CRY2: variants seen among roughly 807,000 people sequenced by gnomAD.
The protein encoded by CRY2 is cryptochrome-2.
CRY2 carries 31 observed loss-of-function variants against 69.5 expected under a neutral mutation model. The observed-to-expected ratio is 0.45, with a 90% CI of 0.34 to 0.60. The LOEUF (loss-of-function observed/expected upper bound fraction) is 0.60, where lower values mean the gene tolerates loss of function less well. Among genes scored for constraint, CRY2 ranks in the 20% least tolerant of loss-of-function variants. The pLI is 0.02. For synonymous variants in CRY2, 303 were observed against 312.2 expected, an observed-to-expected ratio of 0.97 and a Z score of 0.31; for missense variants, 606 against 797.8, an observed-to-expected ratio of 0.76 and a Z score of 2.90.
At chr11:45,879,765 G>A (rs117293689) in intron 11 of CRY2, among the ~76,000 whole-genome samples, 1 of 152,202 alleles carries the variant, frequency 6.6e-6, no homozygotes, top group Admixed American at 6.5e-5. Context: ...ACCACAGACT[G>A]GGTGGCTTAA....
intron 10 of CRY2, 23 bp downstream of exon 10, chr11:45,870,957 C>G: frequency 6.4e-7 from 1 of 1,568,720 alleles, no homozygotes; most frequent in South Asian, 1.1e-5. Context: ...AACCAACCTC[C>G]TGTGGCCTCC....
At chr11:45,849,622 ATTTTTT>A (rs71038866) in intron 1 of CRY2, among the ~76,000 whole-genome samples, 18 of 141,124 alleles carry the variant, frequency 1.3e-4, no homozygotes, top group Non-Finnish European at 4.6e-5. Flanking sequence ...CCCCAATTCT[ATTTTTT>A]TTTTTTTTTG....
rs2086281578 is a variant in CRY2, at chr11:45,860,815, T to G, written c.468-33T>G. On this transcript the variant is annotated intron_variant, in intron 3 of 11. Coordinates refer to ENST00000616080, the MANE Select transcript of CRY2 (RefSeq NM_021117.5). ...CAGGGACCCACATCACAGGGCCATG[T>G]GGGTAACACTAGCTATGCTTTGGGC... 1.9e-6 allele frequency: 3 copies of G among 1,605,334 alleles called. No individual in the cohort carries two copies. In the South Asian group the frequency reaches 3.3e-5, roughly 18 times the overall value.
In CRY2 at chr11:45,870,070, C is replaced by T. The variant is rs903372850; in HGVS notation, c.1212C>T (p.Leu404=). Residue 404 remains leucine, a synonymous_variant, in exon 8 of 12, where the codon CTC becomes CTT. Coordinates refer to ENST00000616080, the MANE Select transcript of CRY2 (RefSeq NM_021117.5). ...ESGVRVFDEL[L]LDADFSVNAG... ...CTATCTAGGTATTTGATGAGCTGCT[C>T]CTGGATGCAGATTTCAGCGTGAACG... The T allele has an allele frequency of 1.2e-6, 2 of 1,606,926 alleles. No individual in the cohort carries two copies. Among genetic ancestry groups the T allele is most frequent in the African/African-American group, 2.7e-5 (2 of 74,772 alleles).
At chr11:45,875,246 T>A (rs7933420) in intron 11 of CRY2, among the ~76,000 whole-genome samples, 58,867 of 152,160 alleles carry the variant, frequency 0.39, 13,790 homozygotes, top group Non-Finnish European at 0.5. Flanking sequence ...GAGTGCTTGG[T>A]AAGCAGTAGT....
chr11:45,856,154 G>C, intron 2 of CRY2, 64 bp downstream of exon 2: 1 of 1,279,400 alleles, frequency 7.8e-7, no homozygotes, highest in Non-Finnish European at 1.1e-6. Flanking sequence ...CCCACAGCCT[G>C]AGTGATATGA....
chr11:45,867,832 G>A (rs2086343734), intron 6 of CRY2, 80 bp downstream of exon 6: 11 of 1,587,562 alleles, frequency 6.9e-6, no homozygotes, highest in East Asian at 2.2e-5. Flanking sequence ...CCTAAAAAAG[G>A]CACTGGTGGG....
chr11:45,869,929 C>G, intron 7 of CRY2, 112 bp downstream of exon 7: 1 of 1,511,668 alleles, frequency 6.6e-7, no homozygotes, highest in East Asian at 2.3e-5. Context: ...CAGGAGATCC[C>G]CTCCAGATCC....
At chr11:45,872,916 G>C (rs1195936003) in intron 11 of CRY2, among the ~76,000 whole-genome samples, 1 of 152,206 alleles carries the variant, frequency 6.6e-6, no homozygotes, top group African/African-American at 2.4e-5. Flanking sequence ...CACTGACCTT[G>C]AGAAGCCTGG....
At chr11:45,854,716 G>A (rs572114616) in intron 1 of CRY2, among the ~76,000 whole-genome samples, 1 of 152,058 alleles carries the variant, frequency 6.6e-6, no homozygotes, top group Non-Finnish European at 1.5e-5. Flanking sequence ...ATAAAAAAGG[G>A]CACAGAGAGG....
At chr11:45,871,041 C>T in intron 10 of CRY2, 107 bp downstream of exon 10, 1 of 853,306 alleles carries the variant, frequency 1.2e-6, no homozygotes, top group South Asian at 1.6e-5. Flanking sequence ...AGCTTATATT[C>T]CACCTGGGGC....
chr11:45,856,856 A>G (rs1398482351), intron 2 of CRY2, among the ~76,000 whole-genome samples: 1 of 152,108 alleles, frequency 6.6e-6, no homozygotes. Context: ...CATGGGGTAA[A>G]TGATTGATAG....
intron 2 of CRY2, among the ~76,000 whole-genome samples, chr11:45,857,037 G>T (rs781596414): frequency 6.6e-6 from 1 of 152,142 alleles, no homozygotes; most frequent in Non-Finnish European, 1.5e-5. Flanking sequence ...CACAATGATT[G>T]TCATGCCCCT....
intron 11 of CRY2, among the ~76,000 whole-genome samples, chr11:45,873,281 T>TA (rs762875800): frequency 5.9e-5 from 9 of 152,214 alleles, no homozygotes; most frequent in Non-Finnish European, 8.8e-5. Flanking sequence ...AGATCCCTCT[T>TA]ACTTCAGGGC....
At chr11:45,875,837 A>G (rs1426061675) in intron 11 of CRY2, among the ~76,000 whole-genome samples, 2 of 152,242 alleles carry the variant, frequency 1.3e-5, no homozygotes, top group African/African-American at 4.8e-5. Flanking sequence ...AATGGTGATA[A>G]TAGCATCTTG....
chr11:45,882,980 C>T lies in CRY2; in HGVS notation c.*2069C>T, dbSNP rs1279304068. ...GGAGTCAGGCAGTGCACTCCTGGAG[C>T]CAAGAGGGAAGGGCAGGGTAGAGAG... On this transcript the variant is annotated 3_prime_UTR_variant, in exon 12 of 12. Transcript: ENST00000616080. 6 of 355,980 alleles carry T rather than the reference C, an allele frequency of 1.7e-5. No individual in the cohort carries two copies. Among genetic ancestry groups the T allele is most frequent in the Non-Finnish European group, 5.0e-6 (1 of 199,430 alleles). The allele number at this position is 355,980 out of a possible 1,614,324, so 22.1% of individuals were successfully genotyped here. A position where few individuals can be genotyped will look rare whatever the true frequency, so the allele number is the denominator to read the frequency against.
At chr11:45,861,595 T>TC (rs1179947867) in intron 4 of CRY2, 18 of 176,898 alleles carry the variant, frequency 1.0e-4, no homozygotes, top group African/African-American at 2.4e-5. Context: ...GCGCCTGCCA[T>TC]CACGCCCAGC....
At chr11:45,864,587 G>A (rs1012589834) in intron 5 of CRY2, among the ~76,000 whole-genome samples, 4 of 151,904 alleles carry the variant, frequency 2.6e-5, no homozygotes, top group Admixed American at 6.6e-5. Flanking sequence ...GACAGAGAGT[G>A]GGGTCTCAGA....
rs1015899463 is a variant in CRY2 at position 45,882,281 on chromosome 11, C to A, written c.*1370C>A. On this transcript the variant is annotated 3_prime_UTR_variant, in exon 12 of 12. Coordinates refer to ENST00000616080, the MANE Select transcript of CRY2 (RefSeq NM_021117.5). ...GCCACAAAGTGTGTGTGTGTGTGTG[C>A]GTGTGTGGTACGTGTGTGTGTGTGT... is the stretch of plus-strand genomic sequence containing the variant. 5.2e-6 allele frequency: 1 copy of A among 190,824 alleles called. No homozygotes were observed. The highest frequency in any genetic ancestry group is 1.0e-5 in the Non-Finnish European group (1 of 96,488). 11.8% of individuals were successfully genotyped at this position (190,824 alleles called of 1,614,324 possible). A position where few individuals can be genotyped will look rare whatever the true frequency, so the allele number is the denominator to read the frequency against.
Sources: gnomAD v4.1 joint callset for allele counts (sites outside exome capture counted in the v4.1 genomes callset) on GRCh38, gnomAD v4.1.1 for gene constraint, MANE v1.5 for transcripts, NCBI Gene and HGNC (gene_info 2026-07-23, HGNC 2026-07-21) for gene names.